TFG: variants seen among roughly 807,000 people sequenced by gnomAD.
The protein encoded by TFG is trafficking from ER to golgi regulator.
TFG carries 22 observed loss-of-function variants against 51.4 expected under a neutral mutation model. The ratio of observed to expected loss-of-function variants is 0.43; its 90% confidence interval spans 0.31 to 0.61. TFG has a LOEUF of 0.61. Among genes scored for constraint, TFG ranks in the 20% least tolerant of loss-of-function variants. The pLI, the probability that TFG is intolerant of heterozygous loss-of-function variation, is 0.12. For missense variants in TFG, 419 were observed against 487.7 expected (o/e 0.86, Z 1.33); for synonymous variants, 187 against 165.6 (o/e 1.13, Z -0.99).
chr3:100,729,215 AATAG>A (rs570908899), intron 4 of TFG, among the ~76,000 whole-genome samples: 197 of 152,328 alleles, frequency 1.3e-3, no homozygotes, highest in African/African-American at 4.4e-3. Flanking sequence ...TTTTTAGTAT[AATAG>A]ATAAGTAATG....
chr3:100,719,824 C>G (rs1372390493), intron 2 of TFG, 151 bp from the exon 3 acceptor site: 2 of 507,608 alleles, frequency 3.9e-6, no homozygotes, highest in African/African-American at 4.1e-5. Flanking sequence ...TGCATTTTTG[C>G]TAGACCTTTA....
chr3:100,725,489 T>C (rs1042293105), intron 3 of TFG, among the ~76,000 whole-genome samples: 5 of 151,570 alleles, frequency 3.3e-5, no homozygotes, highest in African/African-American at 1.2e-4. Flanking sequence ...AAAAAAATAC[T>C]AAGATTTGGC....
rs372196251 is a variant in TFG, at chr3:100,732,678, T to C, written c.580+6T>C. The C allele has an allele frequency of 3.1e-5, 50 of 1,606,872 alleles. No individual in the cohort carries two copies. Among genetic ancestry groups the C allele is most frequent in the South Asian group, 6.7e-5 (6 of 89,826 alleles). ...AACAGATGATCAGGTTTCAGGTAAG[T>C]TGGTTTCCAACTCCTTTACACCCTT... On this transcript the variant is annotated splice_donor_region_variant and intron_variant, in intron 5 of 7. Coordinates refer to ENST00000240851, the MANE Select transcript of TFG (RefSeq NM_006070.6).
chr3:100,748,598 T>C lies in TFG; in HGVS notation c.*67T>C. On this transcript the variant is annotated 3_prime_UTR_variant, in exon 8 of 8. Transcript: ENST00000240851. ...GCCTCCCAAAAGACTCCAGTACTAT[T>C]TTAATTTGTATTGAAGAAGTTCAGA... 6.9e-7 allele frequency: 1 copy of C among 1,458,236 alleles called. No homozygotes were observed. Among genetic ancestry groups the C allele is most frequent in the East Asian group, 2.3e-5 (1 of 43,178 alleles). 90.3% of individuals were successfully genotyped at this position (1,458,236 alleles called of 1,614,324 possible).
intron 2 of TFG, among the ~76,000 whole-genome samples, chr3:100,715,057 A>C (rs1206203155): frequency 6.6e-6 from 1 of 152,176 alleles, no homozygotes; most frequent in African/African-American, 2.4e-5. Context: ...ACTGCTACCC[A>C]CACCATCCTT....
chr3:100,725,821 T>G (rs2095074105), intron 3 of TFG, among the ~76,000 whole-genome samples: 2 of 151,916 alleles, frequency 1.3e-5, no homozygotes, highest in Admixed American at 1.3e-4. Context: ...TATTAAGCTT[T>G]AACAAAGATG....
chr3:100,746,748 C>T lies in TFG; in HGVS notation c.821-1401C>T, dbSNP rs192531120. Among the ~76,000 whole-genome samples, 35 of 151,316 alleles carry T rather than the reference C, an allele frequency of 2.3e-4. No individual in the cohort carries two copies. The East Asian group carries it at 6.4e-3, about 28-fold the overall frequency. ...ATTAAGGATCAGATTACTTCCAGGC[C>T]CAGTTAAAAAAAAACAATTCAGATT... On this transcript the variant is annotated intron_variant, in intron 7 of 7. Transcript: ENST00000240851.
chr3:100,740,128 A>T (rs537924917), intron 6 of TFG, among the ~76,000 whole-genome samples: 56 of 152,258 alleles, frequency 3.7e-4, no homozygotes, highest in African/African-American at 1.3e-3. Flanking sequence ...TGTTTCTAAA[A>T]TCCCTTACAT....
chr3:100,724,833 G>C (rs2095070471), intron 3 of TFG, among the ~76,000 whole-genome samples: 1 of 152,142 alleles, frequency 6.6e-6, no homozygotes, highest in Admixed American at 6.5e-5. Flanking sequence ...AGAAAAACTA[G>C]ATCATCTCTA....
At chr3:100,740,479 C>T (rs1285755767) in intron 6 of TFG, among the ~76,000 whole-genome samples, 1 of 152,116 alleles carries the variant, frequency 6.6e-6, no homozygotes, top group East Asian at 1.9e-4. Flanking sequence ...TATAGCCTGT[C>T]CTCAGAAATG....
intron 3 of TFG, among the ~76,000 whole-genome samples, chr3:100,725,924 T>C (rs2095074422): frequency 1.3e-5 from 2 of 152,218 alleles, no homozygotes; most frequent in South Asian, 4.1e-4. Flanking sequence ...TTATTATGTG[T>C]GCTAGGGTTC....
intron 2 of TFG, among the ~76,000 whole-genome samples, chr3:100,719,237 T>C (rs1363583814): frequency 6.6e-6 from 1 of 152,160 alleles, no homozygotes; most frequent in African/African-American, 2.4e-5. Context: ...CCCACCCAAC[T>C]GTTTGTGAAG....
chr3:100,719,876 A>G (rs2095055988), intron 2 of TFG, 99 bp from the exon 3 acceptor site: 3 of 674,522 alleles, frequency 4.4e-6, no homozygotes, highest in Admixed American at 3.4e-5. Flanking sequence ...ATGTTCTACA[A>G]TCTACATTTT....
chr3:100,716,802 G>C (rs2095047776), intron 2 of TFG, among the ~76,000 whole-genome samples: 1 of 151,992 alleles, frequency 6.6e-6, no homozygotes, highest in Non-Finnish European at 1.5e-5. Flanking sequence ...TTGTGATTTT[G>C]AGCATTTTTT....
intron 3 of TFG, among the ~76,000 whole-genome samples, chr3:100,725,622 C>CCAAAAAAA (rs2095073116): frequency 2.4e-5 from 2 of 83,490 alleles, no homozygotes; most frequent in Non-Finnish European, 4.6e-5. Flanking sequence ...ACCAAAAATA[C>CCAAAAAAA]AAAAAAAAAA....
intron 1 of TFG, among the ~76,000 whole-genome samples, chr3:100,711,894 G>A (rs974101745): frequency 1.2e-4 from 18 of 152,060 alleles, no homozygotes; most frequent in African/African-American, 4.3e-4. Context: ...CCTGAATACC[G>A]AAAGCATTGC....
chr3:100,723,639 G>T lies in TFG; in HGVS notation c.268+3581G>T, dbSNP rs924329554. Among the ~76,000 whole-genome samples, 8 of 152,100 alleles carry T rather than the reference G, an allele frequency of 5.3e-5. No individual in the cohort carries two copies. The East Asian group carries it at 1.2e-3, about 22-fold the overall frequency. Reference sequence around the variant, plus strand: ...TGAGTAGTAATAGTCACTTTATGATGATAAAAAGAATAATTCACTAGGACT... The same window carrying T: ...TGAGTAGTAATAGTCACTTTATGATTATAAAAAGAATAATTCACTAGGACT... On this transcript the variant is annotated intron_variant, in intron 3 of 7. Transcript: ENST00000240851.
intron 3 of TFG, among the ~76,000 whole-genome samples, chr3:100,721,505 T>G (rs558483062): frequency 6.6e-6 from 1 of 152,212 alleles, no homozygotes; most frequent in Non-Finnish European, 1.5e-5. Flanking sequence ...TTAACTCTTA[T>G]ACCTTGGGCC....
chr3:100,740,167 T>TTA (rs1167970812), intron 6 of TFG, among the ~76,000 whole-genome samples: 3 of 152,210 alleles, frequency 2.0e-5, no homozygotes, highest in Non-Finnish European at 2.9e-5. Context: ...ATGTGTATTA[T>TTA]TTATTACTGT....
Sources: gnomAD v4.1 joint callset for allele counts (sites outside exome capture counted in the v4.1 genomes callset) on GRCh38, gnomAD v4.1.1 for gene constraint, MANE v1.5 for transcripts, NCBI Gene and HGNC (gene_info 2026-07-23, HGNC 2026-07-21) for gene names.